The following RPH3AL variants were observed in gnomAD, a reference collection of about 807,000 sequenced individuals.
RPH3AL encodes rabphilin 3A like (without C2 domains).
In RPH3AL, 38 loss-of-function variants were observed where a neutral mutation model predicts 43.1. That is an observed-to-expected ratio of 0.88 (90% confidence interval 0.68 to 1.15). The LOEUF is 1.15. Among genes scored for constraint, RPH3AL ranks in the 50% most tolerant of loss-of-function variants. The pLI, the probability that RPH3AL is intolerant of heterozygous loss-of-function variation, is 0.00. For missense variants in RPH3AL, 462 were observed against 423.2 expected (o/e 1.09, Z -0.81); for synonymous variants, 189 against 176.3 (o/e 1.07, Z -0.57).
chr17:244,009 C>A (rs543983039), intron 7 of RPH3AL, among the ~76,000 whole-genome samples: 1 of 149,584 alleles, frequency 6.7e-6, no homozygotes, highest in African/African-American at 2.4e-5. Context: ...TATTGATTAC[C>A]CTTCCTCTAT....
intron 5 of RPH3AL, 75 bp downstream of exon 5, chr17:319,345 G>C (rs897825681): frequency 1.3e-6 from 2 of 1,541,736 alleles, no homozygotes; most frequent in Non-Finnish European, 1.8e-6. Context: ...CTGGGAGCCA[G>C]GATGCAAAGC....
rs1555540441 is a variant in RPH3AL at position 247,193 on chromosome 17, G to A, written c.531C>T (p.Phe177=). ...CTGCCGGTTCCGTGGGCAAAGGTCGGAAGTGGGGGTCATCAGCTCGGCCAG... is the reference window on the plus strand; with the variant it reads ...CTGCCGGTTCCGTGGGCAAAGGTCGAAAGTGGGGGTCATCAGCTCGGCCAG... The part of the protein sequence containing the change: ...KTPGRADDPH[F]RPLPTEPAER... The change falls in exon 7 of 10, where the codon TTC becomes TTT. Residue 177 remains phenylalanine (F), a synonymous_variant. Coordinates refer to ENST00000331302, the MANE Select transcript of RPH3AL (RefSeq NM_006987.4). 6.2e-7 allele frequency: 1 copy of A among 1,614,104 alleles called. No individual in the cohort carries two copies. The highest frequency in any genetic ancestry group is 8.5e-7 in the Non-Finnish European group (1 of 1,179,994).
Position 236,023 on chromosome 17 carries a change from G to A in RPH3AL, c.613+11088C>T, listed in dbSNP as rs181392039. Among the ~76,000 whole-genome samples the A allele has an allele frequency of 6.3e-5, 7 of 111,502 alleles. 2 individuals are homozygous for A. The highest frequency in any genetic ancestry group is 5.4e-4 in the South Asian group (2 of 3,698). The allele number at this position is 111,502 out of a possible 152,430, so 73.1% of individuals were successfully genotyped here. ...TCCATGGGTCAAAGCTGGGGTCGGC[G>A]GTGGCTCCGTACTAACAAGACGGGG... On this transcript the variant is annotated intron_variant, in intron 7 of 9. Coordinates refer to ENST00000331302, the MANE Select transcript of RPH3AL (RefSeq NM_006987.4).
At chr17:295,357 G>GAA (rs2043151351) in intron 5 of RPH3AL, among the ~76,000 whole-genome samples, 1 of 140,316 alleles carries the variant, frequency 7.1e-6, no homozygotes, top group African/African-American at 2.7e-5. Flanking sequence ...GAAATGGACG[G>GAA]GCAGAGGGAA....
In RPH3AL at chr17:214,136, G is replaced by A. The variant is rs117882641; in HGVS notation, c.877-213C>T. Among the ~76,000 whole-genome samples, 588 of 152,330 alleles carry A rather than the reference G, an allele frequency of 3.9e-3. 1 individual carries two copies. Among genetic ancestry groups the A allele is most frequent in the Non-Finnish European group, 6.3e-3 (429 of 68,026 alleles). ...AGTCACCTGCCCCTCTGGGCTTCAG[G>A]CCCTCCTCCTAACCCAGGTGATCAA... On this transcript the variant is annotated intron_variant, in intron 9 of 9. Coordinates refer to ENST00000331302, the MANE Select transcript of RPH3AL (RefSeq NM_006987.4).
rs373710359 is a variant in RPH3AL, at chr17:328,083, T to G, written c.-36-504A>C. On this transcript the variant is annotated intron_variant, in intron 2 of 9. Transcript: ENST00000331302. The surrounding 1 kb of genome is among the most constrained non-coding windows in gnomAD (Gnocchi z 4.2). ...ACTCACACCGATGATCACAATGCCC[T>G]CGAGGGCAGGCAAGAGGGCAGGGGG... Among the ~76,000 whole-genome samples, 64 of 152,090 alleles carry G rather than the reference T, an allele frequency of 4.2e-4. 1 individual carries two copies. In the South Asian group the frequency reaches 5.8e-3, roughly 14 times the overall value.
intron 6 of RPH3AL, among the ~76,000 whole-genome samples, chr17:273,962 C>T (rs2042593155): frequency 6.6e-6 from 1 of 152,178 alleles, no homozygotes; most frequent in South Asian, 2.1e-4. Context: ...AAGAAGCTTT[C>T]TTATGGCCCA....
At chr17:291,359 A>G (rs9675256) in intron 5 of RPH3AL, among the ~76,000 whole-genome samples, 122,597 of 152,018 alleles carry the variant, frequency 0.81, 50,750 homozygotes, top group Middle Eastern at 0.91. Context: ...GGGCAACACA[A>G]TGAGACTCCC....
chr17:302,918 C>A (rs1213047666), intron 5 of RPH3AL, among the ~76,000 whole-genome samples: 1 of 152,216 alleles, frequency 6.6e-6, no homozygotes, highest in Non-Finnish European at 1.5e-5. Flanking sequence ...AACACCCAGA[C>A]CCCGAAGGTC....
intron 6 of RPH3AL, among the ~76,000 whole-genome samples, chr17:275,233 C>CAA (rs200330448): frequency 1.5e-4 from 10 of 67,094 alleles, no homozygotes; most frequent in African/African-American, 3.8e-4. Context: ...TTCATAACAG[C>CAA]AAAAAAAACA....
At chr17:249,656 G>C (rs2041840756) in intron 6 of RPH3AL, among the ~76,000 whole-genome samples, 1 of 144,152 alleles carries the variant, frequency 6.9e-6, no homozygotes, top group African/African-American at 2.6e-5. Context: ...AGTACTGTGG[G>C]ATACTAACAA....
chr17:311,949 A>C (rs997557861), intron 5 of RPH3AL, among the ~76,000 whole-genome samples: 3 of 152,124 alleles, frequency 2.0e-5, no homozygotes, highest in African/African-American at 7.2e-5. Flanking sequence ...TTAGGAGGTA[A>C]TTAAGGTAAA....
At position 333,458 on chromosome 17, in the gene RPH3AL, G is replaced by C. The variant is rs1237149067; in HGVS notation, c.-37+301C>G. On this transcript the variant is annotated intron_variant, in intron 2 of 9. Coordinates refer to ENST00000331302, the MANE Select transcript of RPH3AL (RefSeq NM_006987.4). This position sits in a 1 kb window ranked among gnomAD's most constrained non-coding sequence, Gnocchi z 4.5. Reference sequence around the variant, plus strand: ...GTTCTTACTGCATACGCTGCTTGCTGGTTTCTAAATAAAATTGGGTTCTTA... The same window carrying C: ...GTTCTTACTGCATACGCTGCTTGCTCGTTTCTAAATAAAATTGGGTTCTTA... The C allele has an allele frequency of 2.3e-6, 1 of 443,516 alleles. No individual in the cohort carries two copies. Among genetic ancestry groups the C allele is most frequent in the African/African-American group, 2.1e-5 (1 of 48,414 alleles). 27.5% of individuals were successfully genotyped at this position (443,516 alleles called of 1,614,324 possible). A position where few individuals can be genotyped will look rare whatever the true frequency, so the allele number is the denominator to read the frequency against.
chr17:337,798 C>A (rs2045001086), intron 1 of RPH3AL, among the ~76,000 whole-genome samples: 1 of 152,236 alleles, frequency 6.6e-6, no homozygotes, highest in Non-Finnish European at 1.5e-5. Context: ...CCCGGCAAGG[C>A]CCCTCATGGG....
At chr17:348,172 C>T (rs554476822) in intron 1 of RPH3AL, among the ~76,000 whole-genome samples, 8 of 150,826 alleles carry the variant, frequency 5.3e-5, no homozygotes, top group South Asian at 4.2e-4. Context: ...GTTCCAACTA[C>T]ATCTATGACA....
At chr17:339,762 T>C (rs951782062) in intron 1 of RPH3AL, 1 of 152,318 alleles carries the variant, frequency 6.6e-6, no homozygotes, top group South Asian at 2.1e-4. Flanking sequence ...ACGAAAGCAA[T>C]GAGCCGGGTA....
rs1196415797 is a variant in RPH3AL at position 282,935 on chromosome 17, G to T, written c.352-1081C>A. Among the ~76,000 whole-genome samples the T allele has an allele frequency of 2.6e-5, 4 of 152,364 alleles. No individual in the cohort carries two copies. In the East Asian group the frequency reaches 5.8e-4, roughly 22 times the overall value. On this transcript the variant is annotated intron_variant, in intron 5 of 9. Coordinates refer to ENST00000331302, the MANE Select transcript of RPH3AL (RefSeq NM_006987.4). ...CATTTGCTGGCCGAAACGTCATTAT[G>T]TGATGCAGGACAGTTCTTACGTTGC...
intron 5 of RPH3AL, among the ~76,000 whole-genome samples, chr17:288,755 G>A (rs373967008): frequency 7.5e-4 from 1 of 1,328 alleles, no homozygotes; most frequent in Admixed American, 7.4e-3. Flanking sequence ...GTCAGACCTC[G>A]CACCCTCTCT....
intron 5 of RPH3AL, among the ~76,000 whole-genome samples, chr17:307,786 G>A (rs185706440): frequency 9.8e-5 from 15 of 152,318 alleles, no homozygotes; most frequent in African/African-American, 2.6e-4. Flanking sequence ...GCTCAGCACC[G>A]CACAAGATAG....
Sources: gnomAD v4.1 joint callset for allele counts (sites outside exome capture counted in the v4.1 genomes callset) on GRCh38, gnomAD v4.1.1 for gene constraint, Gnocchi (gnomAD v3.1) non-coding constraint, MANE v1.5 for transcripts, NCBI Gene and HGNC (gene_info 2026-07-23, HGNC 2026-07-21) for gene names.